THSD4: variants seen among roughly 807,000 people sequenced by gnomAD.
The protein encoded by THSD4 is thrombospondin type 1 domain containing 4, also known as thrombospondin type-1 domain-containing protein 4.
In THSD4, 69 loss-of-function variants were observed where a neutral mutation model predicts 119.0. That is an observed-to-expected ratio of 0.58 (90% CI 0.48 to 0.71). THSD4 has a LOEUF of 0.71. Among genes scored for constraint, THSD4 ranks in the 30% least tolerant of loss-of-function variants. The probability of loss-of-function intolerance (pLI) is 0.00; values close to 1 mark genes in which losing one functional copy is unlikely to be tolerated. For synonymous variants in THSD4, 524 were observed against 540.4 expected (o/e 0.97, Z 0.42); for missense variants, 1,393 against 1,391.1 (o/e 1.00, Z -0.02).
intron 1 of THSD4, among the ~76,000 whole-genome samples, chr15:71,130,935 G>A (rs889648417): frequency 1.3e-5 from 2 of 151,974 alleles, no homozygotes; most frequent in Non-Finnish European, 2.9e-5. Context: ...TAGTAGAGAC[G>A]GGGTTTCACC....
At chr15:71,388,762 G>A (rs753441050) in intron 6 of THSD4, among the ~76,000 whole-genome samples, 2 of 151,626 alleles carry the variant, frequency 1.3e-5, no homozygotes, top group Non-Finnish European at 2.9e-5. Flanking sequence ...AAAAAATTGT[G>A]ATAATATGAT....
At chr15:71,733,910 CAAA>C (rs773198822) in intron 10 of THSD4, 34 of 74,346 alleles carry the variant, frequency 4.6e-4, no homozygotes, top group African/African-American at 1.3e-3. Context: ...ACTCTGTCTC[CAAA>C]AAAAAAAAAA....
At chr15:71,400,974 A>G (rs1043225216) in intron 6 of THSD4, among the ~76,000 whole-genome samples, 2 of 152,210 alleles carry the variant, frequency 1.3e-5, no homozygotes, top group African/African-American at 4.8e-5. Context: ...GTTTATGCAC[A>G]GAATCTCCTC....
Position 71,395,666 on chromosome 15 carries a change from G to A in THSD4, c.1016-16021G>A, listed in dbSNP as rs911223824. Among the ~76,000 whole-genome samples, 52 of 152,056 alleles carry A rather than the reference G, an allele frequency of 3.4e-4. No homozygotes were observed. In the East Asian group the frequency reaches 7.2e-3, roughly 21 times the overall value. On this transcript the variant is annotated intron_variant, in intron 6 of 17. Coordinates refer to ENST00000261862, the MANE Select transcript of THSD4 (RefSeq NM_024817.3). ...TGAGGCAGGAGAATCGCTTGAACCC[G>A]GGAGGCAGAGGCTGCCAGTGAACTG...
intron 7 of THSD4, among the ~76,000 whole-genome samples, chr15:71,454,530 G>A (rs546206440): frequency 7.2e-5 from 11 of 152,250 alleles, no homozygotes; most frequent in East Asian, 1.9e-4. Flanking sequence ...GTGACACCTC[G>A]CTCTTAAGAT....
intron 6 of THSD4, among the ~76,000 whole-genome samples, chr15:71,340,483 C>T (rs2045551535): frequency 6.6e-6 from 1 of 152,170 alleles, no homozygotes; most frequent in Non-Finnish European, 1.5e-5. Flanking sequence ...GGCCGTGTGA[C>T]CCATTTTCCG....
At chr15:71,532,298 G>A (rs1251531180) in intron 7 of THSD4, among the ~76,000 whole-genome samples, 1 of 130,048 alleles carries the variant, frequency 7.7e-6, no homozygotes, top group African/African-American at 4.4e-5. Flanking sequence ...GTGTGTGTGT[G>A]TGTGTGTGTG....
In THSD4 at chr15:71,783,325, TCTC is replaced by T. The variant is rs1354069665; in HGVS notation, c.*5954_*5956del. 3 of 152,242 alleles carry T rather than the reference TCTC, an allele frequency of 2.0e-5. No homozygotes were observed. Among genetic ancestry groups the T allele is most frequent in the South Asian group, 2.1e-4 (1 of 4,832 alleles). 9.4% of individuals were successfully genotyped at this position (152,242 alleles called of 1,614,324 possible). On this transcript the variant is annotated 3_prime_UTR_variant, in exon 18 of 18. Coordinates refer to ENST00000261862, the MANE Select transcript of THSD4 (RefSeq NM_024817.3). The stretch of plus-strand genomic sequence containing the variant: ...TTCTCTGGCCTTATTCGCGTTCTGT[TCTC>T]CTGCAAATAGCGCCCTCTAAAAAGA...
chr15:71,456,679 C>T (rs2047345191), intron 7 of THSD4, among the ~76,000 whole-genome samples: 1 of 152,116 alleles, frequency 6.6e-6, no homozygotes, highest in Non-Finnish European at 1.5e-5. Context: ...TTCAACAAGC[C>T]CCTATTCTAG....
chr15:71,312,578 C>T (rs1313324662), intron 6 of THSD4, among the ~76,000 whole-genome samples: 2 of 152,092 alleles, frequency 1.3e-5, no homozygotes, highest in Non-Finnish European at 2.9e-5. Flanking sequence ...TTATTTAAGC[C>T]ACCCACTCTG....
intron 7 of THSD4, among the ~76,000 whole-genome samples, chr15:71,429,446 T>G (rs1290790550): frequency 6.6e-6 from 1 of 152,182 alleles, no homozygotes; most frequent in Non-Finnish European, 1.5e-5. Flanking sequence ...TCTGTCCAGG[T>G]GTATTGACAG....
intron 3 of THSD4, among the ~76,000 whole-genome samples, chr15:71,205,556 A>G (rs1274672603): frequency 1.3e-5 from 2 of 152,170 alleles, no homozygotes; most frequent in Non-Finnish European, 2.9e-5. Context: ...TTGTGCAAAT[A>G]CATCATTTAA....
intron 1 of THSD4, among the ~76,000 whole-genome samples, chr15:71,131,060 T>C (rs556391373): frequency 2.0e-5 from 3 of 152,314 alleles, no homozygotes; most frequent in African/African-American, 7.2e-5. Context: ...TGTTAACTTT[T>C]AAAATCTTTA....
chr15:71,200,546 T>C (rs1015593624), intron 3 of THSD4, among the ~76,000 whole-genome samples: 23 of 152,222 alleles, frequency 1.5e-4, no homozygotes, highest in African/African-American at 5.5e-4. Context: ...ACTAGTTATG[T>C]TCCTGAGAGG....
chr15:71,456,085 T>C (rs28673186), intron 7 of THSD4, among the ~76,000 whole-genome samples: 2,711 of 152,310 alleles, frequency 0.018, 72 homozygotes, highest in African/African-American at 0.062. Flanking sequence ...GCAAAGTTAT[T>C]TTGCGGTGTT....
intron 4 of THSD4, among the ~76,000 whole-genome samples, chr15:71,239,312 G>A (rs1331834120): frequency 1.3e-5 from 2 of 152,112 alleles, no homozygotes; most frequent in African/African-American, 2.4e-5. Context: ...GCACTTCCAC[G>A]ACCCTGACTG....
Position 71,102,578 on chromosome 15 carries a change from A to G in THSD4, c.-80+5572A>G, listed in dbSNP as rs534578753. Among the ~76,000 whole-genome samples the G allele has an allele frequency of 2.0e-5, 3 of 150,948 alleles. No homozygotes were observed. In the South Asian group the frequency reaches 6.3e-4, roughly 31 times the overall value. Reference sequence around the variant, plus strand: ...TGTTTTTATATCTTCCTTTTTTTTAAATTTTGAGACAGTTTTGCTTTTGTT... The same window carrying G: ...TGTTTTTATATCTTCCTTTTTTTTAGATTTTGAGACAGTTTTGCTTTTGTT... On this transcript the variant is annotated intron_variant, in intron 1 of 17. Transcript: ENST00000355327.
intron 2 of THSD4, among the ~76,000 whole-genome samples, chr15:71,150,610 GAGA>G (rs1567138795): frequency 3.3e-5 from 5 of 152,194 alleles, no homozygotes; most frequent in Admixed American, 6.5e-5. Context: ...AGTAAATGAA[GAGA>G]AGAAGCATTT....
intron 7 of THSD4, among the ~76,000 whole-genome samples, chr15:71,450,469 C>T (rs1450282553): frequency 1.3e-5 from 2 of 152,198 alleles, no homozygotes; most frequent in Non-Finnish European, 2.9e-5. Flanking sequence ...AGCTCACATC[C>T]AGCTTCTATC....
Sources: allele counts gnomAD v4.1 joint callset (sites outside exome capture counted in the v4.1 genomes callset), GRCh38; gene constraint gnomAD v4.1.1; transcripts MANE v1.5; gene names NCBI Gene and HGNC (gene_info 2026-07-23, HGNC 2026-07-21).